The following PARG variants were observed in gnomAD, a reference collection of about 807,000 sequenced individuals.
PARG encodes mitochondrial poly(ADP-ribose) glycohydrolase.
PARG carries 35 observed loss-of-function variants against 113.0 expected under a neutral mutation model. The ratio of observed to expected loss-of-function variants is 0.31; its 90% CI spans 0.24 to 0.41. The LOEUF (loss-of-function observed/expected upper bound fraction) is 0.41. Ranked by LOEUF, PARG falls within the 10% of genes least tolerant of loss-of-function variation. The pLI is 1.00. For synonymous variants in PARG, 330 were observed against 409.9 expected, an observed-to-expected ratio of 0.81 and a Z score of 2.36; for missense variants, 797 against 1,169.4, an observed-to-expected ratio of 0.68 and a Z score of 4.64.
At chr10:49,841,721 TG>T (rs1845247910) in intron 15 of PARG, among the ~76,000 whole-genome samples, 2 of 152,172 alleles carry the variant, frequency 1.3e-5, no homozygotes, top group African/African-American at 4.8e-5. Context: ...AATGCATGTG[TG>T]GGGTTTAAAA....
chr10:49,833,098 A>G (rs1176535628), intron 15 of PARG, 190 bp from the exon 16 acceptor site: 1 of 403,234 alleles, frequency 2.5e-6, no homozygotes, highest in East Asian at 3.9e-5. Context: ...TTATGCAAGG[A>G]AGAGACTAAG....
intron 4 of PARG, among the ~76,000 whole-genome samples, chr10:49,922,885 G>T (rs1158751839): frequency 3.9e-5 from 6 of 152,026 alleles, no homozygotes; most frequent in Admixed American, 3.9e-4. Flanking sequence ...TATCCCCTAG[G>T]AATCCTTCCT....
At chr10:49,848,495 ATAC>A (rs1188850409) in intron 13 of PARG, among the ~76,000 whole-genome samples, 4 of 147,244 alleles carry the variant, frequency 2.7e-5, no homozygotes, top group African/African-American at 1.0e-4. Context: ...ATTATTTAAT[ATAC>A]TACTTCTAAA....
Position 49,873,345 on chromosome 10 carries a change from T to C in PARG, c.1989-3790A>G, listed in dbSNP as rs1297531466. Among the ~76,000 whole-genome samples the C allele has an allele frequency of 1.0e-3, 104 of 101,952 alleles. 2 individuals are homozygous for C. Among genetic ancestry groups the C allele is most frequent in the Non-Finnish European group, 1.7e-3 (89 of 51,084 alleles). The allele number at this position is 101,952 out of a possible 152,430, so 66.9% of individuals were successfully genotyped here. A position where few individuals can be genotyped will look rare whatever the true frequency, so the allele number is the denominator to read the frequency against. On this transcript the variant is annotated intron_variant, in intron 9 of 17. Transcript: ENST00000616448. ...GGAAATAACACAATAAAATGCTACA[T>C]AATCAGCTTAACAAATGGCTCATCA...
intron 16 of PARG, among the ~76,000 whole-genome samples, chr10:49,830,656 CA>C (rs567249976): frequency 2.0e-5 from 3 of 151,974 alleles, no homozygotes; most frequent in Non-Finnish European, 2.9e-5. Context: ...AAGCAATTCA[CA>C]AAACAAACAA....
intron 12 of PARG, among the ~76,000 whole-genome samples, chr10:49,858,867 C>A (rs1334725005): frequency 6.6e-6 from 1 of 152,056 alleles, no homozygotes; most frequent in Non-Finnish European, 1.5e-5. Context: ...CTGTCCAATT[C>A]AACAAATATT....
At chr10:49,858,759 TAA>T (rs1846113391) in intron 12 of PARG, among the ~76,000 whole-genome samples, 1 of 146,012 alleles carries the variant, frequency 6.8e-6, no homozygotes, top group Non-Finnish European at 1.5e-5. Context: ...CTCTTTAGCT[TAA>T]ATAGGAAAAT....
chr10:49,820,369 G>T, intron 16 of PARG, 76 bp from the exon 17 acceptor site: 1 of 971,650 alleles, frequency 1.0e-6, no homozygotes, highest in African/African-American at 1.6e-5. Flanking sequence ...ACCAGCTGGT[G>T]TGCCACAGCT....
At chr10:49,917,488 C>CAAAAAAAAAAAAA (rs71026277) in intron 6 of PARG, among the ~76,000 whole-genome samples, 1 of 47,660 alleles carries the variant, frequency 2.1e-5, no homozygotes, top group Non-Finnish European at 4.4e-5. Flanking sequence ...GACTCCGTCT[C>CAAAAAAAAAAAAA]AAAAAAAAAA....
intron 15 of PARG, among the ~76,000 whole-genome samples, chr10:49,836,304 CGA>C (rs1844921162): frequency 1.5e-5 from 1 of 68,308 alleles, no homozygotes; most frequent in Non-Finnish European, 3.6e-5. Flanking sequence ...TGATTTCTTA[CGA>C]CTTTTTTTTT....
At position 49,933,685 on chromosome 10, in the gene PARG, T is replaced by G; in HGVS notation, c.763A>C (p.Ile255Leu). 1 of 1,611,324 alleles carries G rather than the reference T, an allele frequency of 6.2e-7. No homozygotes were observed. The highest frequency in any genetic ancestry group is 1.3e-5 in the African/African-American group (1 of 74,978). The change falls in exon 3 of 18, where the codon ATA becomes CTA. Residue 255 changes from isoleucine to leucine, a missense_variant. Physicochemically the swap from Ile to Leu is conservative, Grantham distance 5 (BLOSUM62 2). Coordinates refer to ENST00000616448, the MANE Select transcript of PARG (RefSeq NM_003631.5). ...AATGGACTCTCTGGCACCACATCTA[T>G]CTCATCTTGCTGACAACTTGCACAG... ...EDCASCQQDE[I>L]DVVPESPLSD...
chr10:49,819,369 C>T lies in PARG; in HGVS notation c.2902G>A (p.Asp968Asn). 6.4e-7 allele frequency: 1 copy of T among 1,551,556 alleles called. No individual in the cohort carries two copies. Among genetic ancestry groups the T allele is most frequent in the Non-Finnish European group, 8.7e-7 (1 of 1,146,902 alleles). The change falls in exon 18 of 18, where the codon GAC becomes AAC. Residue 968 changes from aspartate (D) to asparagine (N), a missense_variant. By Grantham distance (23) the Asp-to-Asn change is conservative. This residue lies in a region of PARG where 194 missense variants were observed against 247.1 expected (regional missense o/e 0.79). Transcript: ENST00000616448. ...GTCCCTGTCCTTTGCCCTGAATGGT[C>T]AGCGGTCTCTGCACAGGACTCGACA... ...HAVESCAETADHSGQRTGT is the reference protein window; with the variant it reads ...HAVESCAETANHSGQRTGT
At position 49,916,000 on chromosome 10, in the gene PARG, A is replaced by C; in HGVS notation, c.1663-9T>G. Reference sequence around the variant, plus strand: ...TATTTCAGAATAGCATCCTGTGGAAAATGCAGAAACAAAAAAACGTCATGG... The same window carrying C: ...TATTTCAGAATAGCATCCTGTGGAACATGCAGAAACAAAAAAACGTCATGG... On this transcript the variant is annotated splice_polypyrimidine_tract_variant and intron_variant, in intron 6 of 17. Transcript: ENST00000616448. 6.6e-7 allele frequency: 1 copy of C among 1,515,440 alleles called. No individual in the cohort carries two copies. Among genetic ancestry groups the C allele is most frequent in the Non-Finnish European group, 9.0e-7 (1 of 1,114,018 alleles). 93.9% of individuals were successfully genotyped at this position (1,515,440 alleles called of 1,614,324 possible). A position where few individuals can be genotyped will look rare whatever the true frequency, so the allele number is the denominator to read the frequency against.
intron 1 of PARG, among the ~76,000 whole-genome samples, chr10:49,939,183 T>G (rs1239474830): frequency 6.6e-6 from 1 of 152,296 alleles, no homozygotes; most frequent in East Asian, 1.9e-4. Flanking sequence ...TCACCTTCAG[T>G]TCTCTCTCCC....
rs577894625 is a variant in PARG, at chr10:49,885,035, G to C, written c.1830+168C>G. Among the ~76,000 whole-genome samples the C allele has an allele frequency of 1.7e-3, 255 of 149,382 alleles. 3 individuals carry two copies. Among genetic ancestry groups the C allele is most frequent in the African/African-American group, 6.0e-3 (245 of 40,520 alleles). ...ATACAGCAAAATTACTATACTCTTT[G>C]GCAAAAACTGTTTCCCATTTCTTCT... On this transcript the variant is annotated intron_variant, in intron 8 of 17. Transcript: ENST00000616448.
chr10:49,836,260 T>C (rs891702688), intron 15 of PARG, among the ~76,000 whole-genome samples: 5 of 151,398 alleles, frequency 3.3e-5, no homozygotes, highest in African/African-American at 7.3e-5. Context: ...ACAGTGGATA[T>C]TGATACTGAT....
chr10:49,883,582 T>C (rs1387544496), intron 8 of PARG, among the ~76,000 whole-genome samples: 1 of 148,150 alleles, frequency 6.7e-6, no homozygotes, highest in Non-Finnish European at 1.5e-5. Context: ...GCGGATCACA[T>C]GAGGTCAGGA....
chr10:49,924,599 C>T (rs1489053709), intron 4 of PARG, among the ~76,000 whole-genome samples: 38 of 149,584 alleles, frequency 2.5e-4, no homozygotes, highest in Admixed American at 2.4e-3. Flanking sequence ...AAACCCCATA[C>T]ACTAGTTCAG....
At chr10:49,938,195 T>A (rs1317202131) in intron 1 of PARG, among the ~76,000 whole-genome samples, 2 of 152,182 alleles carry the variant, frequency 1.3e-5, no homozygotes, top group African/African-American at 4.8e-5. Flanking sequence ...ACCCAGAAAA[T>A]GAAGCTAACA....
Sources: allele counts gnomAD v4.1 joint callset (sites outside exome capture counted in the v4.1 genomes callset), GRCh38; gene constraint gnomAD v4.1.1; regional missense constraint gnomAD v4.1.1; transcripts MANE v1.5; gene names NCBI Gene and HGNC (gene_info 2026-07-23, HGNC 2026-07-21).